Variants in MTAP observed in about 807,000 individuals in gnomAD.
The protein encoded by MTAP is methylthioadenosine phosphorylase, also known as S-methyl-5'-thioadenosine phosphorylase.
In MTAP, 33 loss-of-function variants were observed where a neutral mutation model predicts 33.6. The ratio of observed to expected loss-of-function variants is 0.98; its 90% CI spans 0.74 to 1.31. The LOEUF (loss-of-function observed/expected upper bound fraction) is 1.31. Among genes scored for constraint, MTAP ranks in the 40% most tolerant of loss-of-function variants. The pLI, the probability that MTAP is intolerant of heterozygous loss-of-function variation, is 0.00. For missense variants in MTAP, 367 were observed against 360.0 expected (o/e 1.02, Z -0.16); for synonymous variants, 148 against 125.7 (o/e 1.18, Z -1.19).
At chr9:21,855,803 A>G (rs1479704369) in intron 6 of MTAP, among the ~76,000 whole-genome samples, 1 of 152,156 alleles carries the variant, frequency 6.6e-6, no homozygotes, top group African/African-American at 2.4e-5. Flanking sequence ...GCCATGGCCA[A>G]TCTTGTGTGA....
Position 21,802,688 on chromosome 9 carries a change from G to T in MTAP, c.-61G>T. The stretch of plus-strand genomic sequence containing the variant: ...AGGTTGGCACAGCCACCGCTCTGTG[G>T]CTCGCTTGGTTCCCTTAGTCCCGAG... On this transcript the variant is annotated 5_prime_UTR_variant, in exon 1 of 8. Transcript: ENST00000644715. The T allele has an allele frequency of 6.3e-7, 1 of 1,575,902 alleles. No homozygotes were observed. The highest frequency in any genetic ancestry group is 8.6e-7 in the Non-Finnish European group (1 of 1,161,038).
At chr9:21,881,947 G>C (rs73440437) in intron 1 of MTAP, among the ~76,000 whole-genome samples, 4,597 of 151,988 alleles carry the variant, frequency 0.03, 189 homozygotes, top group African/African-American at 0.084. Context: ...GCATTATTAA[G>C]AAGAGCCAAG....
intron 4 of MTAP, among the ~76,000 whole-genome samples, chr9:21,832,362 G>A (rs1387526952): frequency 6.6e-6 from 1 of 152,208 alleles, no homozygotes; most frequent in Non-Finnish European, 1.5e-5. Flanking sequence ...GCCTCTTGAT[G>A]ACTAGAAAGC....
chr9:21,839,379 G>A (rs1825188762), intron 5 of MTAP, among the ~76,000 whole-genome samples: 3 of 152,154 alleles, frequency 2.0e-5, no homozygotes, highest in Non-Finnish European at 4.4e-5. Context: ...AGCTTGGGAA[G>A]AAATAGTCTA....
At chr9:21,927,185 G>C (rs536813520) in intron 1 of MTAP, among the ~76,000 whole-genome samples, 2 of 152,134 alleles carry the variant, frequency 1.3e-5, no homozygotes, top group Non-Finnish European at 2.9e-5. Flanking sequence ...AGCCCTGGAA[G>C]TTCTAACTCA....
At chr9:21,805,614 C>T (rs1430723874) in intron 1 of MTAP, among the ~76,000 whole-genome samples, 2 of 152,092 alleles carry the variant, frequency 1.3e-5, no homozygotes, top group South Asian at 2.1e-4. Flanking sequence ...GGCCTTTGGG[C>T]GTGATTGGGG....
At chr9:21,898,214 C>G (rs139470761) in intron 1 of MTAP, among the ~76,000 whole-genome samples, 2 of 152,244 alleles carry the variant, frequency 1.3e-5, no homozygotes, top group Non-Finnish European at 2.9e-5. Flanking sequence ...TTCCTTACAC[C>G]TTATGCAAAA....
At chr9:21,809,476 A>G (rs1824289998) in intron 1 of MTAP, among the ~76,000 whole-genome samples, 1 of 152,020 alleles carries the variant, frequency 6.6e-6, no homozygotes. Context: ...CGTCTCTACT[A>G]AAAATACAAA....
rs192327540 is a variant in MTAP, at chr9:21,866,318, G to A, written c.*4304G>A. ...GATATGTGTGTTGTGACTATTCTTA[G>A]TCTTTAGCTTGCCTTTTCATTTTCT... On this transcript the variant is annotated 3_prime_UTR_variant, in exon 8 of 8. Coordinates refer to ENST00000644715, the MANE Select transcript of MTAP (RefSeq NM_002451.4). 1 of 152,082 alleles carries A rather than the reference G, an allele frequency of 6.6e-6. No homozygotes were observed. The highest frequency in any genetic ancestry group is 1.5e-5 in the Non-Finnish European group (1 of 68,014). The allele number at this position is 152,082 out of a possible 1,614,324, so 9.4% of individuals were successfully genotyped here.
chr9:21,881,185 T>C (rs941013798), intron 1 of MTAP, among the ~76,000 whole-genome samples: 7 of 152,018 alleles, frequency 4.6e-5, no homozygotes, highest in African/African-American at 1.7e-4. Flanking sequence ...ACAAATGCTA[T>C]TGTGAAAACT....
At chr9:21,925,959 G>A (rs568641511) in intron 1 of MTAP, among the ~76,000 whole-genome samples, 1 of 152,284 alleles carries the variant, frequency 6.6e-6, no homozygotes, top group Admixed American at 6.5e-5. Context: ...TGCCTGTGAG[G>A]GGAGACTGTC....
At chr9:21,896,022 C>G (rs1818286045) in intron 1 of MTAP, among the ~76,000 whole-genome samples, 1 of 152,044 alleles carries the variant, frequency 6.6e-6, no homozygotes, top group African/African-American at 2.4e-5. Flanking sequence ...TAAAGCACTC[C>G]TCAGCAAATG....
intron 1 of MTAP, among the ~76,000 whole-genome samples, chr9:21,924,393 A>T (rs1299017542): frequency 6.6e-6 from 1 of 152,230 alleles, no homozygotes; most frequent in African/African-American, 2.4e-5. Context: ...GTTTTAATAC[A>T]AGCTCCAGGA....
intron 1 of MTAP, among the ~76,000 whole-genome samples, chr9:21,918,299 G>A: frequency 9.1e-6 from 1 of 110,190 alleles, no homozygotes; most frequent in South Asian, 2.9e-4. Context: ...GCAGTGAGCA[G>A]AGATCCCGCC....
At chr9:21,820,084 C>T (rs541630907) in intron 4 of MTAP, among the ~76,000 whole-genome samples, 1 of 152,276 alleles carries the variant, frequency 6.6e-6, no homozygotes, top group Middle Eastern at 3.4e-3. Context: ...TTCTCCCATT[C>T]TGTAGGTTGC....
chr9:21,865,514 A>G lies in MTAP; in HGVS notation c.*3500A>G. 1 of 985,638 alleles carries G rather than the reference A, an allele frequency of 1.0e-6. No individual in the cohort carries two copies. The allele number at this position is 985,638 out of a possible 1,614,324, so 61.1% of individuals were successfully genotyped here. ...GCACACAATCTGGCTCAATGTATAT[A>G]TTGGCCCAGCAAGGCAAAGAACTGA... On this transcript the variant is annotated 3_prime_UTR_variant, in exon 8 of 8. Transcript: ENST00000644715.
rs114488804 is a variant in MTAP at position 21,922,777 on chromosome 9, C to G, written c.148-8231C>G. Among the ~76,000 whole-genome samples, 1 of 152,298 alleles carries G rather than the reference C, an allele frequency of 6.6e-6. No homozygotes were observed. Among genetic ancestry groups the G allele is most frequent in the African/African-American group, 2.4e-5 (1 of 41,556 alleles). On this transcript the variant is annotated intron_variant, in intron 1 of 1. Transcript: ENST00000577563. The surrounding 1 kb of genome is among the most constrained non-coding windows in gnomAD (Gnocchi z 4.8). Reference sequence around the variant, plus strand: ...AGTGGCTCTGCACCCGCTGGCTGATCTCTCAGCTTACCCTGACCGGTGGCT... The same window carrying G: ...AGTGGCTCTGCACCCGCTGGCTGATGTCTCAGCTTACCCTGACCGGTGGCT...
At chr9:21,841,043 G>C (rs557622695) in intron 5 of MTAP, among the ~76,000 whole-genome samples, 53 of 152,244 alleles carry the variant, frequency 3.5e-4, no homozygotes, top group African/African-American at 1.2e-3. Flanking sequence ...CATAAACCCA[G>C]TGGCCTGACA....
At chr9:21,860,769 G>T (rs1176901766) in intron 7 of MTAP, 1 of 152,290 alleles carries the variant, frequency 6.6e-6, no homozygotes, top group African/African-American at 2.4e-5. Flanking sequence ...TTGAGACGGA[G>T]TCTCATTCTG....
Sources: allele counts gnomAD v4.1 joint callset (sites outside exome capture counted in the v4.1 genomes callset), GRCh38; gene constraint gnomAD v4.1.1; non-coding constraint Gnocchi (gnomAD v3.1); transcripts MANE v1.5; gene names NCBI Gene and HGNC (gene_info 2026-07-23, HGNC 2026-07-21).